The following ZPBP variants were observed in gnomAD, a reference collection of about 807,000 sequenced individuals.
ZPBP encodes zona pellucida-binding protein 1.
Under a neutral mutation model 44.8 loss-of-function variants are expected in ZPBP, and 26 were observed. The ratio of observed to expected loss-of-function variants is 0.58; its 90% CI spans 0.43 to 0.81. The LOEUF (loss-of-function observed/expected upper bound fraction) is 0.81. ZPBP is among the 30% of genes least tolerant of loss of function. The probability of loss-of-function intolerance (pLI) is 0.00; values close to 1 mark genes in which losing one functional copy is unlikely to be tolerated. For missense variants in ZPBP, 409 were observed against 434.0 expected (o/e 0.94, Z 0.51); for synonymous variants, 174 against 153.2 (o/e 1.14, Z -1.00).
chr7:49,876,646 G>A (rs556378992), intron 2 of ZPBP, among the ~76,000 whole-genome samples: 2 of 152,186 alleles, frequency 1.3e-5, no homozygotes, highest in South Asian at 4.2e-4. Context: ...GAATTGCCTT[G>A]TTGTTTTTTA....
At chr7:49,962,045 C>T (rs1049219399) in intron 7 of ZPBP, among the ~76,000 whole-genome samples, 2 of 151,854 alleles carry the variant, frequency 1.3e-5, no homozygotes, top group Non-Finnish European at 2.9e-5. Flanking sequence ...AATAAACATC[C>T]GTTGACAGCT....
At chr7:49,871,279 A>G (rs1056506801) in intron 2 of ZPBP, among the ~76,000 whole-genome samples, 1 of 152,194 alleles carries the variant, frequency 6.6e-6, no homozygotes, top group African/African-American at 2.4e-5. Flanking sequence ...CTGAAATTTC[A>G]TGGACCTTTT....
At chr7:50,050,548 T>C (rs1021741744) in intron 4 of ZPBP, among the ~76,000 whole-genome samples, 5 of 151,946 alleles carry the variant, frequency 3.3e-5, no homozygotes, top group South Asian at 2.1e-4. Context: ...AACATCCATA[T>C]GTAAAAAATA....
intron 6 of ZPBP, among the ~76,000 whole-genome samples, chr7:49,989,570 C>CA (rs1285752694): frequency 2.0e-5 from 3 of 152,074 alleles, no homozygotes; most frequent in Non-Finnish European, 4.4e-5. Context: ...TTGTTTTTAA[C>CA]AAAAATGAGG....
At chr7:49,933,221 AC>A (rs1794505915), downstream of ZPBP, among the ~76,000 whole-genome samples, 3 of 152,192 alleles carry the variant, frequency 2.0e-5, no homozygotes, top group South Asian at 4.1e-4. Context: ...AAAAAGTCAC[AC>A]TAAAGTAGGA....
chr7:49,900,555 A>C (rs562310650), intron 2 of ZPBP, among the ~76,000 whole-genome samples: 1 of 151,800 alleles, frequency 6.6e-6, no homozygotes, highest in Non-Finnish European at 1.5e-5. Flanking sequence ...TTAATAATCA[A>C]GATGAAATGA....
intron 2 of ZPBP, among the ~76,000 whole-genome samples, chr7:49,870,155 C>G (rs575685862): frequency 6.6e-6 from 1 of 152,198 alleles, no homozygotes; most frequent in Admixed American, 6.5e-5. Flanking sequence ...AATCCCAGCA[C>G]TTTGGGAGAC....
chr7:50,075,883 A>G (rs750879914), intron 3 of ZPBP, among the ~76,000 whole-genome samples: 12 of 151,974 alleles, frequency 7.9e-5, no homozygotes, highest in Non-Finnish European at 1.8e-4. Context: ...AGAAGAGGGA[A>G]TATTTCCAAA....
intron 5 of ZPBP, 47 bp downstream of exon 5, chr7:50,031,045 A>C: frequency 6.6e-7 from 1 of 1,518,762 alleles, no homozygotes; most frequent in Non-Finnish European, 9.1e-7. Flanking sequence ...TTTAACTATT[A>C]GTTATGTGTT....
chr7:50,036,494 A>AAGG (rs1186116737), intron 4 of ZPBP, among the ~76,000 whole-genome samples: 1 of 152,202 alleles, frequency 6.6e-6, no homozygotes, highest in African/African-American at 2.4e-5. Context: ...AAATTGTCAG[A>AAGG]AGGAGGCTTT....
intron 2 of ZPBP, among the ~76,000 whole-genome samples, chr7:49,893,446 T>C (rs1562757103): frequency 6.6e-6 from 1 of 152,232 alleles, no homozygotes; most frequent in Admixed American, 6.5e-5. Context: ...CAAAATTTGA[T>C]TTTTTTCGTG....
chr7:49,955,862 A>C (rs1179289223), intron 7 of ZPBP, among the ~76,000 whole-genome samples: 1 of 152,196 alleles, frequency 6.6e-6, no homozygotes, highest in Non-Finnish European at 1.5e-5. Flanking sequence ...TTTGTGGAAT[A>C]AGTTTGACAT....
At chr7:49,842,939 G>A in the ZPBP span, among the ~76,000 whole-genome samples, 1 of 152,066 alleles carries the variant, frequency 6.6e-6, no homozygotes, top group East Asian at 1.9e-4. Flanking sequence ...ACATGTGCAG[G>A]TTTGATACCT....
chr7:49,849,697 G>A (rs1790097881), downstream of ZPBP, among the ~76,000 whole-genome samples: 1 of 152,212 alleles, frequency 6.6e-6, no homozygotes, highest in Non-Finnish European at 1.5e-5. Context: ...ATTTATTTCA[G>A]GGAGATTGTG....
intron 7 of ZPBP, among the ~76,000 whole-genome samples, chr7:49,980,603 T>C (rs1297826631): frequency 2.0e-5 from 3 of 152,000 alleles, no homozygotes; most frequent in South Asian, 4.1e-4. Context: ...AGAACTCAAA[T>C]GGTGAGAGAG....
chr7:49,889,455 G>T (rs1466953952), intron 2 of ZPBP, among the ~76,000 whole-genome samples: 2 of 152,218 alleles, frequency 1.3e-5, no homozygotes, highest in Non-Finnish European at 2.9e-5. Context: ...GGGAAGAAAT[G>T]CATGAGAGGC....
At chr7:49,858,581 C>T (rs1330995822) in intron 2 of ZPBP, among the ~76,000 whole-genome samples, 3 of 150,310 alleles carry the variant, frequency 2.0e-5, no homozygotes, top group African/African-American at 7.4e-5. Context: ...GGAGGGATAG[C>T]ATTAGGAGAT....
At chr7:49,925,955 G>C (rs542990806) in intron 1 of ZPBP, among the ~76,000 whole-genome samples, 83 of 152,324 alleles carry the variant, frequency 5.4e-4, no homozygotes, top group Non-Finnish European at 9.4e-4. Flanking sequence ...TTGGAAGTTT[G>C]GTCTGTCAGC....
chr7:49,925,248 G>C (rs557243212), intron 1 of ZPBP, among the ~76,000 whole-genome samples: 104 of 152,314 alleles, frequency 6.8e-4, no homozygotes, highest in Non-Finnish European at 9.0e-4. Flanking sequence ...TACAGATATA[G>C]TATGCACACA....
Sources: allele counts gnomAD v4.1 joint callset (sites outside exome capture counted in the v4.1 genomes callset), GRCh38; gene constraint gnomAD v4.1.1; transcripts MANE v1.5; gene names NCBI Gene and HGNC (gene_info 2026-07-23, HGNC 2026-07-21).